The following STX17 variants were observed in gnomAD, a reference collection of about 807,000 sequenced individuals.
STX17 encodes the protein syntaxin-17.
STX17 carries 29 observed loss-of-function variants against 35.9 expected under a neutral mutation model. The observed-to-expected ratio is 0.81, with a 90% CI of 0.60 to 1.10. The LOEUF (loss-of-function observed/expected upper bound fraction) is 1.10. STX17 is among the 50% of genes least tolerant of loss of function. The probability of loss-of-function intolerance (pLI) is 0.00; values close to 1 mark genes in which losing one functional copy is unlikely to be tolerated. For missense variants in STX17, 312 were observed against 352.3 expected (o/e 0.89, Z 0.92); for synonymous variants, 92 against 118.3 (o/e 0.78, Z 1.44).
In STX17 at chr9:99,909,496, GAAGAA is replaced by G. The variant is rs1205633253; in HGVS notation, c.-63+2800_-63+2804del. Among the ~76,000 whole-genome samples, 11 of 152,312 alleles carry G rather than the reference GAAGAA, an allele frequency of 7.2e-5. No homozygotes were observed. The East Asian group carries it at 2.1e-3, about 29-fold the overall frequency. On this transcript the variant is annotated intron_variant, in intron 1 of 7. Coordinates refer to ENST00000259400, the MANE Select transcript of STX17 (RefSeq NM_017919.3). Reference sequence around the variant, plus strand: ...ATAAAGATAATCTCTTTGTGGTATAGAAGAAAAGAAAAGAGGCAGTGTGATAGATT... The same window carrying G: ...ATAAAGATAATCTCTTTGTGGTATAGAAGAAAAGAGGCAGTGTGATAGATT...
At chr9:99,928,687 G>T in intron 2 of STX17, 91 bp from the exon 3 acceptor site, 2 of 1,059,648 alleles carry the variant, frequency 1.9e-6, no homozygotes, top group Non-Finnish European at 2.9e-6. Flanking sequence ...GTATGTTTAA[G>T]TTTGGGTGGG....
intron 3 of STX17, among the ~76,000 whole-genome samples, chr9:99,943,501 G>A (rs1829410726): frequency 6.6e-6 from 1 of 152,140 alleles, no homozygotes; most frequent in Non-Finnish European, 1.5e-5. Context: ...TAGAGACGGG[G>A]TTTCACCATG....
At chr9:99,928,385 C>T (rs1829033070) in intron 2 of STX17, among the ~76,000 whole-genome samples, 1 of 77,408 alleles carries the variant, frequency 1.3e-5, no homozygotes, top group Non-Finnish European at 2.8e-5. Flanking sequence ...TTAACACTAT[C>T]ATGACAAACG....
At chr9:99,947,665 G>A (rs1009401330) in intron 3 of STX17, among the ~76,000 whole-genome samples, 1 of 152,152 alleles carries the variant, frequency 6.6e-6, no homozygotes, top group South Asian at 2.1e-4. Flanking sequence ...GAGACTGGAG[G>A]CCAGTCTGTA....
At chr9:99,920,526 A>T (rs1012671492) in intron 2 of STX17, among the ~76,000 whole-genome samples, 13 of 152,216 alleles carry the variant, frequency 8.5e-5, no homozygotes, top group Non-Finnish European at 1.8e-4. Context: ...TATGTGAGAT[A>T]ATAAATACTT....
intron 2 of STX17, among the ~76,000 whole-genome samples, chr9:99,927,526 T>C (rs1040073275): frequency 3.3e-5 from 5 of 151,758 alleles, no homozygotes; most frequent in African/African-American, 1.2e-4. Context: ...CAGGCTGGAG[T>C]GCAGTGTGGC....
chr9:99,928,873 C>T, intron 3 of STX17, 30 bp downstream of exon 3: 1 of 1,600,572 alleles, frequency 6.2e-7, no homozygotes, highest in Non-Finnish European at 8.5e-7. Flanking sequence ...TCTGCTAAAT[C>T]AGTATGAAAA....
rs146343725 is a variant in STX17 at position 99,960,208 on chromosome 9, G to T, written c.582+53G>T. 375 of 1,528,198 alleles carry T rather than the reference G, an allele frequency of 2.5e-4. 4 individuals carry two copies. In the East Asian group the frequency reaches 8.2e-3, roughly 34 times the overall value. 94.7% of individuals were successfully genotyped at this position (1,528,198 alleles called of 1,614,324 possible). A position where few individuals can be genotyped will look rare whatever the true frequency, so the allele number is the denominator to read the frequency against. On this transcript the variant is annotated intron_variant, in intron 6 of 7. Transcript: ENST00000259400. ...AATTGTTGGATTATTAGAATGAGAAGCTTTTATAATCACTAGGCTTTTAAT... is the reference window on the plus strand; with the variant it reads ...AATTGTTGGATTATTAGAATGAGAATCTTTTATAATCACTAGGCTTTTAAT...
intron 4 of STX17, among the ~76,000 whole-genome samples, chr9:99,959,521 G>A (rs759058071): frequency 2.1e-4 from 30 of 145,766 alleles, no homozygotes; most frequent in Non-Finnish European, 2.8e-4. Context: ...GTGCAGCGGC[G>A]TGATCACTGC....
rs1421925973 is a variant in STX17 at position 99,973,500 on chromosome 9, CA to C, written c.*4828del. Among the ~76,000 whole-genome samples the C allele has an allele frequency of 6.6e-6, 1 of 152,134 alleles. No individual in the cohort carries two copies. The highest frequency in any genetic ancestry group is 1.5e-5 in the Non-Finnish European group (1 of 68,002). ...TCTCTTGTAGCAGGATTTTTTAAAT[CA>C]GGGGCAGCTCTCTTCTCCCATCCCA... On this transcript the variant is annotated 3_prime_UTR_variant, in exon 8 of 8. Transcript: ENST00000259400.
At chr9:99,906,978 G>A (rs1325498147) in intron 1 of STX17, 3 of 152,272 alleles carry the variant, frequency 2.0e-5, no homozygotes, top group African/African-American at 7.2e-5. Context: ...AAAAGTTTCC[G>A]GCGCGCGTCC....
chr9:99,968,755 A>G lies in STX17; in HGVS notation c.*82A>G, dbSNP rs1454091765. 3 of 1,541,878 alleles carry G rather than the reference A, an allele frequency of 1.9e-6. No individual in the cohort carries two copies. The highest frequency in any genetic ancestry group is 4.5e-5 in the East Asian group (2 of 44,334). On this transcript the variant is annotated 3_prime_UTR_variant, in exon 8 of 8. Transcript: ENST00000259400. ...TGTTGGACACTCCGTCACCTTTTGG[A>G]ACACAAGTATATCAAGATAGTGGCT...
chr9:99,968,851 A>T lies in STX17; in HGVS notation c.*178A>T. The T allele has an allele frequency of 2.2e-6, 2 of 929,800 alleles. No individual in the cohort carries two copies. The highest frequency in any genetic ancestry group is 2.1e-5 in the South Asian group (1 of 46,768). 57.6% of individuals were successfully genotyped at this position (929,800 alleles called of 1,614,324 possible). A position where few individuals can be genotyped will look rare whatever the true frequency, so the allele number is the denominator to read the frequency against. On this transcript the variant is annotated 3_prime_UTR_variant, in exon 8 of 8. Coordinates refer to ENST00000259400, the MANE Select transcript of STX17 (RefSeq NM_017919.3). ...GTTGTTTGCTGGGGTGTTCATGGAG[A>T]TGTTAAGAGATTGAGGCCCTGGGCT...
intron 1 of STX17, chr9:99,907,027 G>C (rs1007188217): frequency 2.0e-5 from 3 of 152,260 alleles, no homozygotes; most frequent in East Asian, 1.9e-4. Context: ...CGCCAGGGTC[G>C]CTGGCGTCTG....
intron 2 of STX17, among the ~76,000 whole-genome samples, chr9:99,922,451 G>A (rs998885186): frequency 6.6e-6 from 1 of 152,168 alleles, no homozygotes; most frequent in African/African-American, 2.4e-5. Context: ...GATATTGATT[G>A]AACTAACTAA....
chr9:99,925,067 C>T (rs1366762851), intron 2 of STX17, among the ~76,000 whole-genome samples: 1 of 152,082 alleles, frequency 6.6e-6, no homozygotes, highest in Admixed American at 6.5e-5. Flanking sequence ...TCTTTTCCCT[C>T]TTTCTTTTGG....
At chr9:99,915,673 A>C (rs926516219) in intron 2 of STX17, among the ~76,000 whole-genome samples, 8 of 150,012 alleles carry the variant, frequency 5.3e-5, no homozygotes, top group Non-Finnish European at 1.0e-4. Context: ...GCCTACTGCA[A>C]CCTCAAACTT....
chr9:99,933,878 C>T (rs949307524), intron 3 of STX17, among the ~76,000 whole-genome samples: 1 of 152,144 alleles, frequency 6.6e-6, no homozygotes, highest in African/African-American at 2.4e-5. Flanking sequence ...CTCAGCTCTT[C>T]TTCCCAAATA....
chr9:99,907,820 G>T (rs1295655539), intron 1 of STX17, among the ~76,000 whole-genome samples: 1 of 152,078 alleles, frequency 6.6e-6, no homozygotes, highest in South Asian at 2.1e-4. Flanking sequence ...ACTAACTTGT[G>T]ATTTTTTTTC....
Sources: allele counts gnomAD v4.1 joint callset (sites outside exome capture counted in the v4.1 genomes callset), GRCh38; gene constraint gnomAD v4.1.1; transcripts MANE v1.5; gene names NCBI Gene and HGNC (gene_info 2026-07-23, HGNC 2026-07-21).